UGT2B7: variants seen among roughly 807,000 people sequenced by gnomAD.
The protein encoded by UGT2B7 is UDP-glucuronosyltransferase 2B7.
Under a neutral mutation model 51.9 loss-of-function variants are expected in UGT2B7, and 51 were observed. The observed-to-expected ratio is 0.98, with a 90% CI of 0.78 to 1.24. The LOEUF is 1.24. Ranked by LOEUF, UGT2B7 falls within the 50% of genes most tolerant of loss-of-function variation. The pLI is 0.00. For missense variants in UGT2B7, 727 were observed against 628.4 expected (o/e 1.16, Z -1.68); for synonymous variants, 225 against 211.6 (o/e 1.06, Z -0.55).
chr4:69,090,092 G>T (rs890484134), intron 2 of UGT2B7, among the ~76,000 whole-genome samples: 1 of 152,078 alleles, frequency 6.6e-6, no homozygotes, highest in Admixed American at 6.6e-5. Context: ...TCTTTCTTAT[G>T]AATTAGACTT....
chr4:69,065,098 C>T lies in UGT2B7; in HGVS notation c.-159+13496C>T, dbSNP rs561182082. Among the ~76,000 whole-genome samples the T allele has an allele frequency of 1.5e-4, 23 of 151,288 alleles. No homozygotes were observed. In the South Asian group the frequency reaches 4.2e-3, roughly 27 times the overall value. On this transcript the variant is annotated intron_variant, in intron 1 of 5. Transcript: ENST00000502942. ...CTTCACTAGCACAATAAGTAGGTATCGAAAAAAAAATTGAAATGTATCATG... is the reference window on the plus strand; with the variant it reads ...CTTCACTAGCACAATAAGTAGGTATTGAAAAAAAAATTGAAATGTATCATG...
At position 69,064,100 on chromosome 4, in the gene UGT2B7, A is replaced by AAGAGAGAGAG. The variant is rs1718431277; in HGVS notation, c.-159+12501_-159+12502insGAGAGAGAGA. Among the ~76,000 whole-genome samples the AAGAGAGAGAG allele has an allele frequency of 7.6e-4, 80 of 104,746 alleles. 2 individuals carry two copies. The highest frequency in any genetic ancestry group is 7.3e-4 in the Non-Finnish European group (39 of 53,572). 68.7% of individuals were successfully genotyped at this position (104,746 alleles called of 152,430 possible). ...AGAAAGAAAGAAAGAAAGAAAGAGA[A>AAGAGAGAGAG]AGAAAGAAAGAAAAAGAAAGAAAGA... On this transcript the variant is annotated intron_variant, in intron 1 of 5. Coordinates refer to the UGT2B7 transcript ENST00000502942.
chr4:69,081,536 C>A (rs980921484), intron 1 of UGT2B7, among the ~76,000 whole-genome samples: 1 of 152,160 alleles, frequency 6.6e-6, no homozygotes, highest in Non-Finnish European at 1.5e-5. Flanking sequence ...CAAAGCTACA[C>A]AAGACCTCCA....
At chr4:69,104,974 C>T (rs1290889455) in intron 3 of UGT2B7, among the ~76,000 whole-genome samples, 1 of 152,128 alleles carries the variant, frequency 6.6e-6, no homozygotes. Context: ...CCTAGGCGGA[C>T]AGACAACTAT....
chr4:69,064,078 A>AAGAGAGAGAGAGAG (rs1490886987), intron 1 of UGT2B7, among the ~76,000 whole-genome samples: 1 of 106,058 alleles, frequency 9.4e-6, no homozygotes, highest in East Asian at 3.0e-4. Context: ...GAAAGAAAGA[A>AAGAGAGAGAGAGAG]AGAAAGAAAG....
chr4:69,087,570 C>T (rs758880983), intron 1 of UGT2B7, among the ~76,000 whole-genome samples: 45 of 151,872 alleles, frequency 3.0e-4, no homozygotes, highest in Non-Finnish European at 4.7e-4. Flanking sequence ...ATGTGAGTGT[C>T]CTTTTCTTTC....
intron 1 of UGT2B7, among the ~76,000 whole-genome samples, chr4:69,051,958 T>G (rs999429732): frequency 6.6e-6 from 1 of 152,096 alleles, no homozygotes; most frequent in African/African-American, 2.4e-5. Context: ...TGTTTTGTGG[T>G]GTGTGTGTGG....
intron 1 of UGT2B7, among the ~76,000 whole-genome samples, chr4:69,058,261 C>G (rs1458444385): frequency 6.6e-6 from 1 of 152,148 alleles, no homozygotes; most frequent in East Asian, 1.9e-4. Context: ...CCACCTTTAC[C>G]CAGAGTTACT....
chr4:69,079,542 G>T (rs1380797808), intron 1 of UGT2B7, among the ~76,000 whole-genome samples: 3 of 152,014 alleles, frequency 2.0e-5, no homozygotes, highest in African/African-American at 7.2e-5. Context: ...ATTGTGACAG[G>T]TCTTTCTTGA....
intron 4 of UGT2B7, among the ~76,000 whole-genome samples, chr4:69,107,696 C>T (rs1020134795): frequency 6.6e-6 from 1 of 152,136 alleles, no homozygotes; most frequent in Admixed American, 6.5e-5. Context: ...ATACATTTCA[C>T]GATGAAGTGT....
In UGT2B7 at chr4:69,102,921, G is replaced by A; in HGVS notation, c.985G>A (p.Ala329Thr). 8 of 1,612,924 alleles carry A rather than the reference G, an allele frequency of 5.0e-6. No individual in the cohort carries two copies. Among genetic ancestry groups the A allele is most frequent in the Non-Finnish European group, 6.8e-6 (8 of 1,179,444 alleles). The change falls in exon 3 of 6, where the codon GCC (alanine) becomes ACC (threonine). Residue 329 changes from alanine to threonine, a missense_variant. Coordinates refer to ENST00000305231, the MANE Select transcript of UGT2B7 (RefSeq NM_001074.4). The stretch of plus-strand genomic sequence containing the variant: ...GGCCAACGTAATTGCATCAGCCCTG[G>A]CCCAGATCCCACAAAAGGTAAGATG... ...ERANVIASAL[A>T]QIPQKVLWRF...
chr4:69,085,266 TG>T (rs1169511937), intron 1 of UGT2B7, among the ~76,000 whole-genome samples: 2 of 152,214 alleles, frequency 1.3e-5, no homozygotes, highest in East Asian at 3.8e-4. Flanking sequence ...AAATGTCTTT[TG>T]AGAAGTGTCT....
chr4:69,092,398 C>A (rs1719104758), upstream of UGT2B7, among the ~76,000 whole-genome samples: 2 of 152,072 alleles, frequency 1.3e-5, no homozygotes, highest in African/African-American at 4.8e-5. Context: ...TGAATCATTA[C>A]AGAGTAATGG....
intron 5 of UGT2B7, among the ~76,000 whole-genome samples, chr4:69,109,253 G>A (rs1166294124): frequency 6.6e-6 from 1 of 152,062 alleles, no homozygotes; most frequent in Non-Finnish European, 1.5e-5. Flanking sequence ...CTTTAGGGTT[G>A]ATACTATAAG....
chr4:69,054,019 C>G (rs1577903390), intron 1 of UGT2B7, among the ~76,000 whole-genome samples: 1 of 152,014 alleles, frequency 6.6e-6, no homozygotes. Flanking sequence ...AATACCAGAT[C>G]AATTTAAAGC....
rs61361928 is a variant in UGT2B7, at chr4:69,096,657, T to C, written c.137T>C (p.Leu46Pro). ...AATATAAAGACAATCCTGGATGAGC[T>C]TATTCAGAGAGGTCATGAGGTGACT... Reference protein sequence around the residue: ...WMNIKTILDELIQRGHEVTVL... With the variant: ...WMNIKTILDEPIQRGHEVTVL... Residue 46 changes from leucine (L) to proline (P), a missense_variant, in exon 1 of 6, where the codon CTT (leucine) becomes CCT (proline). Physicochemically the swap from Leu to Pro is moderately conservative, Grantham distance 98. Transcript: ENST00000305231. 4.4e-3 allele frequency: 7,123 copies of C among 1,614,008 alleles called. 25 individuals carry two copies. Among genetic ancestry groups the C allele is most frequent in the Non-Finnish European group, 5.6e-3 (6,598 of 1,179,912 alleles).
intron 1 of UGT2B7, among the ~76,000 whole-genome samples, chr4:69,084,134 TTA>T (rs1262953964): frequency 1.3e-5 from 2 of 152,244 alleles, no homozygotes; most frequent in East Asian, 1.9e-4. Context: ...ACTGATAAAA[TTA>T]TATGTTTTTT....
chr4:69,071,057 C>T (rs1049932212), intron 1 of UGT2B7, among the ~76,000 whole-genome samples: 1 of 152,060 alleles, frequency 6.6e-6, no homozygotes, highest in African/African-American at 2.4e-5. Context: ...CTTGAATACA[C>T]TTGAGTTACT....
At chr4:69,067,493 C>T (rs1482077509) in intron 1 of UGT2B7, 1 of 156,390 alleles carries the variant, frequency 6.4e-6, no homozygotes, top group Non-Finnish European at 1.5e-5. Flanking sequence ...GTGGGGCTTC[C>T]TTTATTGCAG....
Sources: allele counts gnomAD v4.1 joint callset (sites outside exome capture counted in the v4.1 genomes callset), GRCh38; gene constraint gnomAD v4.1.1; transcripts MANE v1.5; gene names NCBI Gene and HGNC (gene_info 2026-07-23, HGNC 2026-07-21).